The following TENM3 variants were observed in gnomAD, a reference collection of about 807,000 sequenced individuals.
The protein encoded by TENM3 is teneurin-3.
TENM3 carries 63 observed loss-of-function variants against 255.1 expected under a neutral mutation model. That is an observed-to-expected ratio of 0.25 (90% CI 0.20 to 0.30). TENM3 has a LOEUF of 0.30. Among genes scored for constraint, TENM3 ranks in the 10% least tolerant of loss-of-function variants. The pLI is 1.00. For synonymous variants in TENM3, 1,306 were observed against 1,322.3 expected (o/e 0.99, Z 0.27); for missense variants, 2,929 against 3,461.1 (o/e 0.85, Z 3.86).
rs1025433702 is a variant in TENM3, at chr4:182,628,689, T to C, written c.788T>C (p.Leu263Pro). The C allele has an allele frequency of 2.5e-6, 4 of 1,603,942 alleles. No homozygotes were observed. The highest frequency in any genetic ancestry group is 3.4e-6 in the Non-Finnish European group (4 of 1,175,082). Residue 263 changes from leucine to proline, a missense_variant, in exon 5 of 28, where the codon CTG (leucine) becomes CCG (proline). Around this residue, in one of 6 missense-constraint regions of TENM3, gnomAD observed 1,608 missense variants for 1,884.4 expected, o/e 0.85. Transcript: ENST00000511685. ...LFKTGTGTTP[L>P]FSTATPGYTM... ...AAAACAGGAACAGGTACAACGCCAC[T>C]GTTCAGTACTGCAACCCCAGGATAC...
chr4:182,537,855 C>T (rs1204833358), intron 3 of TENM3, among the ~76,000 whole-genome samples: 2 of 152,126 alleles, frequency 1.3e-5, no homozygotes, highest in Non-Finnish European at 2.9e-5. Flanking sequence ...TGAATGTGCA[C>T]AGATGCAAAC....
chr4:182,175,180 T>C (rs1440516006), intron 1 of TENM3, among the ~76,000 whole-genome samples: 2 of 152,006 alleles, frequency 1.3e-5, no homozygotes, highest in Non-Finnish European at 2.9e-5. Context: ...CCTATGATTT[T>C]TTTAAAGAGA....
At chr4:181,527,130 A>G in the TENM3 span, among the ~76,000 whole-genome samples, 1 of 152,176 alleles carries the variant, frequency 6.6e-6, no homozygotes, top group Non-Finnish European at 1.5e-5. Context: ...CACAATTGCA[A>G]AACAGTTCCA....
chr4:181,547,712 G>T, the TENM3 span, among the ~76,000 whole-genome samples: 1 of 152,008 alleles, frequency 6.6e-6, no homozygotes. Flanking sequence ...CTTAGTTATA[G>T]TTAACTTTCT....
chr4:182,783,097 TATG>T (rs1220189919), intron 24 of TENM3, among the ~76,000 whole-genome samples: 1 of 151,458 alleles, frequency 6.6e-6, no homozygotes, highest in Non-Finnish European at 1.5e-5. Flanking sequence ...ATCCTGTCAT[TATG>T]ATGTTAGCTG....
chr4:182,163,688 T>C (rs1280254536), intron 1 of TENM3, among the ~76,000 whole-genome samples: 1 of 152,204 alleles, frequency 6.6e-6, no homozygotes. Flanking sequence ...ATTGTAAATG[T>C]GGCACAACTG....
the TENM3 span, among the ~76,000 whole-genome samples, chr4:182,117,074 C>T: frequency 6.6e-6 from 1 of 152,134 alleles, no homozygotes; most frequent in Non-Finnish European, 1.5e-5. Flanking sequence ...GCCTACTTGT[C>T]ATTGTGTATC....
the TENM3 span, among the ~76,000 whole-genome samples, chr4:181,785,842 AC>A: frequency 1.3e-5 from 2 of 151,936 alleles, no homozygotes; most frequent in African/African-American, 4.8e-5. Context: ...ACACACAAAC[AC>A]ACACACTTTT....
At chr4:182,740,304 ACTCCAGTGTT>A (rs1299909082) in intron 18 of TENM3, among the ~76,000 whole-genome samples, 21 of 152,008 alleles carry the variant, frequency 1.4e-4, no homozygotes, top group African/African-American at 5.1e-4. Flanking sequence ...TAAGCAGGGG[ACTCCAGTGTT>A]CTCTCAGAGC....
At chr4:182,731,694 GGTGTGT>G (rs70956536) in intron 16 of TENM3, among the ~76,000 whole-genome samples, 11,318 of 124,596 alleles carry the variant, frequency 0.091, 490 homozygotes, top group African/African-American at 0.14. Flanking sequence ...TGGGTGTTGG[GGTGTGT>G]GTGTGTGTGT....
At chr4:181,857,551 C>CAAAAAAA in the TENM3 span, among the ~76,000 whole-genome samples, 20 of 104,756 alleles carry the variant, frequency 1.9e-4, no homozygotes, top group African/African-American at 5.4e-4. Flanking sequence ...CCTGTCTCTA[C>CAAAAAAA]AAAAAAAAAA....
At chr4:182,305,552 T>C (rs1762085546) in intron 1 of TENM3, among the ~76,000 whole-genome samples, 1 of 152,230 alleles carries the variant, frequency 6.6e-6, no homozygotes, top group Non-Finnish European at 1.5e-5. Flanking sequence ...TGCATTTTGA[T>C]GGTATTCACT....
At chr4:181,903,222 A>T in the TENM3 span, among the ~76,000 whole-genome samples, 3 of 151,908 alleles carry the variant, frequency 2.0e-5, no homozygotes, top group African/African-American at 7.3e-5. Context: ...AAAAAAACTC[A>T]ACTTCTGAAT....
At chr4:182,697,664 GTATCCACTGGCAGC>G (rs1757532482) in intron 12 of TENM3, among the ~76,000 whole-genome samples, 1 of 152,130 alleles carries the variant, frequency 6.6e-6, no homozygotes, top group African/African-American at 2.4e-5. Flanking sequence ...TGAGATGACA[GTATCCACTGGCAGC>G]TATCCACTGG....
chr4:182,668,238 A>G (rs1334112212), intron 6 of TENM3, among the ~76,000 whole-genome samples: 1 of 152,130 alleles, frequency 6.6e-6, no homozygotes, highest in Non-Finnish European at 1.5e-5. Flanking sequence ...TTTTTTTGGC[A>G]TACTGGAAGT....
chr4:181,786,281 C>A, the TENM3 span, among the ~76,000 whole-genome samples: 1 of 152,208 alleles, frequency 6.6e-6, no homozygotes, highest in Non-Finnish European at 1.5e-5. Flanking sequence ...CTCCTTCACC[C>A]TCTGAAGGTT....
At position 182,568,182 on chromosome 4, in the gene TENM3, G is replaced by C. The variant is rs117850256; in HGVS notation, c.512-32742G>C. Among the ~76,000 whole-genome samples the C allele has an allele frequency of 5.8e-3, 877 of 152,270 alleles. 28 individuals carry two copies. In the East Asian group the frequency reaches 0.06, roughly 10 times the overall value. ...TGTACTGCGTTTCACCTTTACCACA[G>C]TCATGTAAGCCAGTATTGTCTATCA... On this transcript the variant is annotated intron_variant, in intron 3 of 27. Coordinates refer to ENST00000511685, the MANE Select transcript of TENM3 (RefSeq NM_001080477.4).
chr4:182,359,555 C>G (rs1465118825), intron 3 of TENM3, among the ~76,000 whole-genome samples: 1 of 149,870 alleles, frequency 6.7e-6, no homozygotes, highest in Non-Finnish European at 1.5e-5. Context: ...TCTGTGGGAT[C>G]GGTGGTGATA....
the TENM3 span, among the ~76,000 whole-genome samples, chr4:181,685,531 T>C: frequency 6.6e-6 from 1 of 152,216 alleles, no homozygotes; most frequent in Non-Finnish European, 1.5e-5. Context: ...TATAAGAATT[T>C]TTCAGACTTG....
Sources: gnomAD v4.1 joint callset for allele counts (sites outside exome capture counted in the v4.1 genomes callset) on GRCh38, gnomAD v4.1.1 for gene constraint, gnomAD v4.1.1 regional missense constraint, MANE v1.5 for transcripts, NCBI Gene and HGNC (gene_info 2026-07-23, HGNC 2026-07-21) for gene names.